Variants in ZNF253 observed in about 807,000 individuals in gnomAD.
The protein encoded by ZNF253 is zinc finger protein 253, also known as DNA-binding protein.
Under a neutral mutation model 11.9 loss-of-function variants are expected in ZNF253, and 8 were observed. That is an observed-to-expected ratio of 0.67 (90% CI 0.40 to 1.22). The LOEUF is 1.22. ZNF253 is among the 50% of genes most tolerant of loss of function. ZNF253 has a pLI of 0.01. For synonymous variants in ZNF253, 194 were observed against 194.9 expected (o/e 1.00, Z 0.04); for missense variants, 485 against 586.9 (o/e 0.83, Z 1.79).
At chr19:19,881,804 C>T (rs1331776048) in intron 3 of ZNF253, among the ~76,000 whole-genome samples, 1 of 151,830 alleles carries the variant, frequency 6.6e-6, no homozygotes, top group Admixed American at 6.6e-5. Context: ...CTACAGACAG[C>T]AACTTTTTAC....
At chr19:19,866,038 C>A in intron 1 of ZNF253, 39 bp downstream of exon 1, 2 of 1,613,994 alleles carry the variant, frequency 1.2e-6, no homozygotes, top group Non-Finnish European at 1.7e-6. Context: ...AGGGGAGAGG[C>A]TGTTTGGAAC....
chr19:19,884,057 CAAAA>C (rs751875742), intron 3 of ZNF253, among the ~76,000 whole-genome samples: 4 of 66,530 alleles, frequency 6.0e-5, no homozygotes, highest in Admixed American at 1.8e-4. Flanking sequence ...AACTCCATCT[CAAAA>C]AAAAAAAAAA....
rs2063243283 is a variant in ZNF253, at chr19:19,893,624, AAATACAAAG to A, written c.*882_*890del. 1.3e-5 allele frequency: 2 copies of A among 152,238 alleles called. No individual in the cohort carries two copies. The highest frequency in any genetic ancestry group is 1.3e-4 in the Admixed American group (2 of 15,288). The allele number at this position is 152,238 out of a possible 1,614,324, so 9.4% of individuals were successfully genotyped here. On this transcript the variant is annotated 3_prime_UTR_variant, in exon 4 of 4. Coordinates refer to ENST00000589717, the MANE Select transcript of ZNF253 (RefSeq NM_021047.3). ...CTCTTATCCTTGAGAAAAATTGTGCAAATACAAAGAATATGGAAAAACCATTAATGCCTA... is the reference window on the plus strand; with the variant it reads ...CTCTTATCCTTGAGAAAAATTGTGCAAATATGGAAAAACCATTAATGCCTA...
At chr19:19,878,864 G>C (rs1363857548) in intron 2 of ZNF253, among the ~76,000 whole-genome samples, 2 of 152,018 alleles carry the variant, frequency 1.3e-5, no homozygotes, top group Non-Finnish European at 2.9e-5. Context: ...TACTACAAAG[G>C]ATAAACGCTA....
Position 19,885,310 on chromosome 19 carries a change from CTT to C in ZNF253, c.226+5166_226+5167del, listed in dbSNP as rs1197123578. Among the ~76,000 whole-genome samples the C allele has an allele frequency of 3.9e-3, 214 of 55,030 alleles. 7 individuals carry two copies. Among genetic ancestry groups the C allele is most frequent in the Middle Eastern group, 6.0e-3 (1 of 166 alleles). The allele number at this position is 55,030 out of a possible 152,430, so 36.1% of individuals were successfully genotyped here. On this transcript the variant is annotated intron_variant, in intron 3 of 3. Coordinates refer to ENST00000589717, the MANE Select transcript of ZNF253 (RefSeq NM_021047.3). ...TTCTTTCTCTTTCTTTTCTTTCTTTCTTTCTTTCTTTCTTTCTTTCTTTCTTT... is the reference window on the plus strand; with the variant it reads ...TTCTTTCTCTTTCTTTTCTTTCTTTCTCTTTCTTTCTTTCTTTCTTTCTTT...
chr19:19,883,040 A>C (rs958692275), intron 3 of ZNF253, among the ~76,000 whole-genome samples: 1 of 151,844 alleles, frequency 6.6e-6, no homozygotes, highest in South Asian at 2.1e-4. Context: ...GTGTTTATCT[A>C]TAAATATGAC....
Position 19,892,001 on chromosome 19 carries a change from G to GGA in ZNF253, c.759_760dup (p.Lys254ArgfsTer24), listed in dbSNP as rs1485976107. 1 of 1,613,386 alleles carries GGA rather than the reference G, an allele frequency of 6.2e-7. No individual in the cohort carries two copies. The highest frequency in any genetic ancestry group is 1.3e-5 in the African/African-American group (1 of 74,776). On this transcript the variant is annotated frameshift_variant, in exon 4 of 4. Transcript: ENST00000589717. LOFTEE classifies it low-confidence loss of function (END_TRUNC). ...TACTACACATAAGAAAATTCATACT[G>GGA]GAGAGAAACCCTACAAATGTGAAGA... is the stretch of plus-strand genomic sequence containing the variant.
intron 1 of ZNF253, among the ~76,000 whole-genome samples, chr19:19,878,090 C>A (rs1195491415): frequency 6.6e-6 from 1 of 151,986 alleles, no homozygotes; most frequent in Non-Finnish European, 1.5e-5. Context: ...AAACCCTGCA[C>A]AACAAGGTCT....
chr19:19,888,687 C>T (rs1821616149), intron 3 of ZNF253, among the ~76,000 whole-genome samples: 1 of 151,620 alleles, frequency 6.6e-6, no homozygotes, highest in African/African-American at 2.4e-5. Flanking sequence ...TATAATAATT[C>T]CTCTACTTCC....
chr19:19,873,056 A>G (rs1034829219), intron 1 of ZNF253, among the ~76,000 whole-genome samples: 1 of 152,184 alleles, frequency 6.6e-6, no homozygotes, highest in Admixed American at 6.5e-5. Flanking sequence ...CAGCATAGAC[A>G]TCCTACAGCC....
At chr19:19,874,660 C>A (rs1158902204) in intron 1 of ZNF253, among the ~76,000 whole-genome samples, 1 of 151,720 alleles carries the variant, frequency 6.6e-6, no homozygotes, top group African/African-American at 2.4e-5. Flanking sequence ...GCCTGTAATC[C>A]CAGCACTTTG....
chr19:19,878,999 C>T (rs372499947), intron 2 of ZNF253, among the ~76,000 whole-genome samples: 2 of 152,094 alleles, frequency 1.3e-5, no homozygotes, highest in East Asian at 3.8e-4. Context: ...GAATAAATTT[C>T]AGTAAGAACA....
In ZNF253 at chr19:19,871,754, C is replaced by T. The variant is rs149356605; in HGVS notation, c.3+5755C>T. On this transcript the variant is annotated intron_variant, in intron 1 of 3. Transcript: ENST00000589717. The stretch of plus-strand genomic sequence containing the variant: ...CTTTGGAGCCTCTTAAGCAGATTGA[C>T]GATGATGCATATCACATTCAAGTTC... 5.1e-4 allele frequency among the ~76,000 whole-genome samples: 77 copies of T among 152,222 alleles called. No individual in the cohort carries two copies. In the East Asian group the frequency reaches 0.012, roughly 23 times the overall value.
At chr19:19,870,460 A>T (rs2063129565) in intron 1 of ZNF253, among the ~76,000 whole-genome samples, 1 of 151,998 alleles carries the variant, frequency 6.6e-6, no homozygotes. Flanking sequence ...AGATATTTAT[A>T]TCTAATGTCC....
intron 1 of ZNF253, among the ~76,000 whole-genome samples, chr19:19,877,365 G>GTTC (rs755113889): frequency 1.3e-5 from 2 of 149,934 alleles, no homozygotes; most frequent in African/African-American, 2.5e-5. Flanking sequence ...GTGATGCTGT[G>GTTC]TTCTTCTTCT....
intron 1 of ZNF253, among the ~76,000 whole-genome samples, chr19:19,870,113 A>G (rs1169279466): frequency 6.6e-6 from 1 of 152,076 alleles, no homozygotes; most frequent in African/African-American, 2.4e-5. Context: ...TACTACATAC[A>G]TTGCCGAGTG....
At chr19:19,879,602 T>G (rs2063169021) in intron 2 of ZNF253, among the ~76,000 whole-genome samples, 1 of 152,196 alleles carries the variant, frequency 6.6e-6, no homozygotes, top group Admixed American at 6.5e-5. Context: ...ATCATGCATC[T>G]TACATTTTAA....
In ZNF253 at chr19:19,891,141, G is replaced by A. The variant is rs563280643; in HGVS notation, c.227-333G>A. ...AGGCGTGAGCCACCATGCCCAACTG[G>A]CAATTTACTTTTAAAAGCACAATGT... On this transcript the variant is annotated intron_variant, in intron 3 of 3. Transcript: ENST00000589717. Among the ~76,000 whole-genome samples the A allele has an allele frequency of 2.6e-5, 4 of 152,150 alleles. No individual in the cohort carries two copies. In the East Asian group the frequency reaches 7.7e-4, roughly 29 times the overall value.
Position 19,894,184 on chromosome 19 carries a change from A to G in ZNF253, c.*1437A>G, listed in dbSNP as rs776901627. 8 of 152,214 alleles carry G rather than the reference A, an allele frequency of 5.3e-5. No individual in the cohort carries two copies. Among genetic ancestry groups the G allele is most frequent in the Admixed American group, 6.5e-5 (1 of 15,282 alleles). The allele number at this position is 152,214 out of a possible 1,614,324, so 9.4% of individuals were successfully genotyped here. On this transcript the variant is annotated 3_prime_UTR_variant, in exon 4 of 4. Coordinates refer to ENST00000589717, the MANE Select transcript of ZNF253 (RefSeq NM_021047.3). ...CTGTTAGATAAATTATTTCTATATA[A>G]TTTTTTAAAAAGTGGATTTTTGAAG...
Sources: gnomAD v4.1 joint callset for allele counts (sites outside exome capture counted in the v4.1 genomes callset) on GRCh38, gnomAD v4.1.1 for gene constraint, MANE v1.5 for transcripts, NCBI Gene and HGNC (gene_info 2026-07-23, HGNC 2026-07-21) for gene names.